The following ZNF678 variants were observed in gnomAD, a reference collection of about 807,000 sequenced individuals.
ZNF678 encodes zinc finger protein 678, also known as hypothetical protein MGC42493.
A neutral mutation model predicts 3.0 loss-of-function variants in ZNF678; 5 were observed. The observed-to-expected ratio is 1.69, with a 90% CI of 0.88 to 3.56. The LOEUF is 3.56. Among genes scored for constraint, ZNF678 ranks in the 30% most tolerant of loss-of-function variants. ZNF678 has a pLI of 0.00. For missense variants in ZNF678, 593 were observed against 605.0 expected (o/e 0.98, Z 0.21); for synonymous variants, 218 against 199.6 (o/e 1.09, Z -0.78).
chr1:227,640,461 C>T (rs1658791827), intron 1 of ZNF678, among the ~76,000 whole-genome samples: 2 of 151,698 alleles, frequency 1.3e-5, no homozygotes, highest in South Asian at 4.2e-4. Flanking sequence ...GTGATCAGGG[C>T]AGCGAGAATG....
intron 1 of ZNF678, among the ~76,000 whole-genome samples, chr1:227,596,072 A>C (rs1657578826): frequency 6.6e-6 from 1 of 152,066 alleles, no homozygotes; most frequent in Non-Finnish European, 1.5e-5. Flanking sequence ...TTGATCCTCC[A>C]TGGGAGCCTG....
At chr1:227,665,759 T>C (rs75395521), downstream of ZNF678, among the ~76,000 whole-genome samples, 616 of 152,314 alleles carry the variant, frequency 4.0e-3, 5 homozygotes, top group African/African-American at 0.014. Context: ...ACATATCTTT[T>C]GCCAATTTTT....
intron 5 of ZNF678, among the ~76,000 whole-genome samples, chr1:227,669,794 A>T (rs1406634708): frequency 6.6e-6 from 1 of 152,222 alleles, no homozygotes; most frequent in Non-Finnish European, 1.5e-5. Flanking sequence ...CAGTTTGGAG[A>T]TTTCTCAAAG....
chr1:227,589,222 A>G (rs1306542211), intron 1 of ZNF678, among the ~76,000 whole-genome samples: 1 of 151,696 alleles, frequency 6.6e-6, no homozygotes, highest in African/African-American at 2.4e-5. Context: ...GCCTGTGCCT[A>G]TGTGCTGAAT....
In ZNF678 at chr1:227,655,126, C is replaced by G; in HGVS notation, c.876C>G (p.Pro292=). 4 of 1,612,096 alleles carry G rather than the reference C, an allele frequency of 2.5e-6. No homozygotes were observed. The highest frequency in any genetic ancestry group is 1.1e-5 in the South Asian group (1 of 91,018). The change falls in exon 4 of 4, where the codon CCC becomes CCG. Residue 292 remains proline (P), a synonymous_variant. Coordinates refer to ENST00000343776, the MANE Select transcript of ZNF678 (RefSeq NM_001367909.1). ...RHRRIHTGEK[P]YKCEECGKAF... is the part of the protein sequence containing the mutation. The stretch of plus-strand genomic sequence containing the variant: ...GGAGAATTCATACTGGAGAGAAACC[C>G]TACAAATGTGAAGAATGTGGCAAAG...
intron 1 of ZNF678, 151 bp from the exon 2 acceptor site, chr1:227,646,393 A>T: frequency 1.6e-6 from 1 of 608,568 alleles, no homozygotes; most frequent in Non-Finnish European, 2.6e-6. Context: ...AGAGTTACAG[A>T]ATGCATTCGA....
At chr1:227,648,082 A>G (rs922238011) in intron 2 of ZNF678, among the ~76,000 whole-genome samples, 5 of 152,216 alleles carry the variant, frequency 3.3e-5, no homozygotes, top group Non-Finnish European at 7.4e-5. Flanking sequence ...TTTATTTTCT[A>G]AGTAAAAACT....
chr1:227,669,341 A>G (rs1659560559), intron 5 of ZNF678, among the ~76,000 whole-genome samples: 1 of 152,172 alleles, frequency 6.6e-6, no homozygotes, highest in Non-Finnish European at 1.5e-5. Flanking sequence ...AGAGAAATGC[A>G]AATTAAAACC....
chr1:227,631,926 T>C (rs1658556985), intron 1 of ZNF678, among the ~76,000 whole-genome samples: 1 of 152,218 alleles, frequency 6.6e-6, no homozygotes, highest in African/African-American at 2.4e-5. Context: ...TATAGGAGTA[T>C]GCACCTCACT....
intron 1 of ZNF678, among the ~76,000 whole-genome samples, chr1:227,576,858 A>T (rs1656999044): frequency 6.6e-6 from 1 of 151,916 alleles, no homozygotes; most frequent in Non-Finnish European, 1.5e-5. Flanking sequence ...TAACTTTTTG[A>T]TGTTGGCATT....
intron 5 of ZNF678, among the ~76,000 whole-genome samples, chr1:227,673,164 T>C (rs1172996129): frequency 1.3e-5 from 2 of 152,164 alleles, no homozygotes; most frequent in Non-Finnish European, 2.9e-5. Flanking sequence ...ACCTTGCACT[T>C]ACTTGGGGTT....
At chr1:227,594,431 G>T (rs1215361436) in intron 1 of ZNF678, among the ~76,000 whole-genome samples, 2 of 152,140 alleles carry the variant, frequency 1.3e-5, no homozygotes, top group Admixed American at 1.3e-4. Context: ...GGTGCTTTAA[G>T]AAAAACCTGC....
At chr1:227,614,746 G>A (rs1658102360) in intron 1 of ZNF678, among the ~76,000 whole-genome samples, 2 of 152,076 alleles carry the variant, frequency 1.3e-5, no homozygotes, top group South Asian at 4.1e-4. Flanking sequence ...TATTTCCCTG[G>A]TGGTTGCTTT....
At chr1:227,565,139 C>T (rs1242899146) in intron 1 of ZNF678, among the ~76,000 whole-genome samples, 2 of 144,230 alleles carry the variant, frequency 1.4e-5, no homozygotes, top group East Asian at 2.2e-4. Flanking sequence ...GATCTCGGCT[C>T]ACTGCAGCCT....
chr1:227,647,691 T>A (rs934630912), intron 2 of ZNF678, among the ~76,000 whole-genome samples: 1 of 152,228 alleles, frequency 6.6e-6, no homozygotes, highest in Non-Finnish European at 1.5e-5. Context: ...TTCTGCCCCA[T>A]GCTCTTAAGT....
At chr1:227,566,475 G>T (rs1328424826) in intron 1 of ZNF678, among the ~76,000 whole-genome samples, 1 of 152,118 alleles carries the variant, frequency 6.6e-6, no homozygotes, top group Non-Finnish European at 1.5e-5. Context: ...CATCCCTGGG[G>T]CACACCGTGA....
chr1:227,623,108 T>A (rs1282713217), intron 1 of ZNF678, among the ~76,000 whole-genome samples: 1 of 152,218 alleles, frequency 6.6e-6, no homozygotes, highest in Non-Finnish European at 1.5e-5. Context: ...TTCTGACACT[T>A]AAAAATTCCT....
intron 1 of ZNF678, among the ~76,000 whole-genome samples, chr1:227,564,404 G>T (rs1466919125): frequency 6.6e-6 from 1 of 152,144 alleles, no homozygotes; most frequent in South Asian, 2.1e-4. Flanking sequence ...ATGTAGAAAC[G>T]CAAGACACTA....
chr1:227,668,687 A>G (rs1477618976), intron 5 of ZNF678, among the ~76,000 whole-genome samples: 1 of 152,204 alleles, frequency 6.6e-6, no homozygotes, highest in Non-Finnish European at 1.5e-5. Flanking sequence ...TTTTAAAAAT[A>G]TGTTTAAAAT....
Sources: gnomAD v4.1 joint callset for allele counts (sites outside exome capture counted in the v4.1 genomes callset) on GRCh38, gnomAD v4.1.1 for gene constraint, MANE v1.5 for transcripts, NCBI Gene and HGNC (gene_info 2026-07-23, HGNC 2026-07-21) for gene names.